LTBP1: variants seen among roughly 807,000 people sequenced by gnomAD.
LTBP1 encodes the protein latent-transforming growth factor beta-binding protein 1.
LTBP1 carries 129 observed loss-of-function variants against 207.6 expected under a neutral mutation model. The ratio of observed to expected loss-of-function variants is 0.62; its 90% CI spans 0.54 to 0.72. The LOEUF (loss-of-function observed/expected upper bound fraction) is 0.72. LTBP1 is among the 30% of genes least tolerant of loss of function. LTBP1 has a pLI of 0.00. For synonymous variants in LTBP1, 963 were observed against 833.7 expected, an observed-to-expected ratio of 1.16 and a Z score of -2.67; for missense variants, 2,281 against 2,217.2, an observed-to-expected ratio of 1.03 and a Z score of -0.58.
At chr2:33,358,974 A>G (rs1262818645) in intron 26 of LTBP1, among the ~76,000 whole-genome samples, 8 of 152,218 alleles carry the variant, frequency 5.3e-5, no homozygotes, top group South Asian at 2.1e-4. Context: ...GAAGCAAGCT[A>G]GACCAGATGA....
At chr2:33,330,869 G>A (rs116000419) in intron 24 of LTBP1, among the ~76,000 whole-genome samples, 1 of 149,302 alleles carries the variant, frequency 6.7e-6, no homozygotes, top group South Asian at 2.1e-4. Context: ...TTTGTGCCTG[G>A]AATGTTTGTT....
chr2:33,254,855 T>TTTG (rs2092796853), intron 11 of LTBP1, among the ~76,000 whole-genome samples: 1 of 92,330 alleles, frequency 1.1e-5, no homozygotes, highest in Non-Finnish European at 2.1e-5. Context: ...GTGTTTGGTT[T>TTTG]TTTTTTTTTT....
chr2:33,315,307 A>G (rs893996547), intron 24 of LTBP1, 38 bp downstream of exon 24: 2 of 1,608,142 alleles, frequency 1.2e-6, no homozygotes, highest in African/African-American at 1.3e-5. Context: ...GTTGTGTGAT[A>G]AAAGAGAGAG....
chr2:33,269,849 C>G (rs1310895280), intron 15 of LTBP1, among the ~76,000 whole-genome samples: 1 of 151,778 alleles, frequency 6.6e-6, no homozygotes. Flanking sequence ...TCTATGTGCT[C>G]AGGAATGAAA....
At chr2:33,169,583 A>G (rs1039376540) in intron 5 of LTBP1, among the ~76,000 whole-genome samples, 4 of 152,242 alleles carry the variant, frequency 2.6e-5, no homozygotes, top group South Asian at 2.1e-4. Context: ...GAGGGGTAAT[A>G]GCTTTTTAAG....
In LTBP1 at chr2:32,947,433, G is replaced by A. The variant is rs1272062239; in HGVS notation, c.109G>A (p.Gly37Ser). ...CACCTACGTGGTGCACCCGGGCCCC[G>A]GCCTGGCAGCCGGCGCCTTGCCCCT... ...RITYVVHPGPGLAAGALPLSG... is the reference protein window; with the variant it reads ...RITYVVHPGPSLAAGALPLSG... Residue 37 changes from glycine to serine, a missense_variant, in exon 1 of 34, where the codon GGC (glycine) becomes AGC (serine). By Grantham distance (56) the Gly-to-Ser change is moderately conservative. Coordinates refer to ENST00000404816, the MANE Select transcript of LTBP1 (RefSeq NM_206943.4). The A allele has an allele frequency of 6.2e-6, 9 of 1,441,234 alleles. 1 individual carries two copies. In the East Asian group the frequency reaches 2.8e-4, roughly 44 times the overall value. 89.3% of individuals were successfully genotyped at this position (1,441,234 alleles called of 1,614,324 possible).
At chr2:33,255,180 T>G (rs886715582) in intron 11 of LTBP1, among the ~76,000 whole-genome samples, 2 of 147,766 alleles carry the variant, frequency 1.4e-5, no homozygotes, top group African/African-American at 2.5e-5. Flanking sequence ...ATGTGGTGTT[T>G]GGTTTTTTGT....
chr2:33,185,397 A>G lies in LTBP1; in HGVS notation c.1202-1459A>G, dbSNP rs144051667. Among the ~76,000 whole-genome samples, 80 of 152,326 alleles carry G rather than the reference A, an allele frequency of 5.3e-4. 1 individual carries two copies. The East Asian group carries it at 0.014, about 28-fold the overall frequency. On this transcript the variant is annotated intron_variant, in intron 5 of 33. Coordinates refer to ENST00000404816, the MANE Select transcript of LTBP1 (RefSeq NM_206943.4). ...GTTCAATTTTGAATTTGAGGTGCCT[A>G]TGAAATATGTATATGGTGACACATA...
At chr2:33,131,227 C>T (rs999779056) in intron 4 of LTBP1, among the ~76,000 whole-genome samples, 2 of 152,120 alleles carry the variant, frequency 1.3e-5, no homozygotes, top group African/African-American at 4.8e-5. Context: ...TGAATATTAC[C>T]TTATTCAAGA....
chr2:33,284,475 A>C (rs2093624503), intron 19 of LTBP1, among the ~76,000 whole-genome samples: 1 of 152,164 alleles, frequency 6.6e-6, no homozygotes, highest in Admixed American at 6.5e-5. Flanking sequence ...GTCATTCGGC[A>C]CTGTATTCCT....
chr2:33,082,447 T>A (rs937549070), intron 3 of LTBP1, among the ~76,000 whole-genome samples: 48 of 133,616 alleles, frequency 3.6e-4, no homozygotes, highest in Middle Eastern at 3.6e-3. Context: ...TTTTTTTTTT[T>A]TTTTTTTTTT....
intron 23 of LTBP1, among the ~76,000 whole-genome samples, chr2:33,311,393 A>G (rs1420326491): frequency 2.0e-5 from 3 of 152,188 alleles, no homozygotes; most frequent in Non-Finnish European, 4.4e-5. Flanking sequence ...AATTTTTTCC[A>G]ATGCAGAAAT....
chr2:33,328,162 T>TAAATAAATAAATA (rs61232623), intron 24 of LTBP1, among the ~76,000 whole-genome samples: 55 of 145,942 alleles, frequency 3.8e-4, no homozygotes, highest in African/African-American at 1.4e-3. Flanking sequence ...AATAAATAAA[T>TAAATAAATAAATA]AAATAAAATA....
rs547023793 is a variant in LTBP1, at chr2:33,326,805, C to T, written c.3730+11536C>T. 1.1e-4 allele frequency among the ~76,000 whole-genome samples: 16 copies of T among 152,060 alleles called. No individual in the cohort carries two copies. The South Asian group carries it at 2.9e-3, about 28-fold the overall frequency. On this transcript the variant is annotated intron_variant, in intron 24 of 33. Transcript: ENST00000404816. ...TCCCCAGTAGCTGGGATTACAGGCACGTGCCACCACACCTGGCTAACTTTT... is the reference window on the plus strand; with the variant it reads ...TCCCCAGTAGCTGGGATTACAGGCATGTGCCACCACACCTGGCTAACTTTT...
chr2:33,016,319 G>A (rs1366324136), intron 2 of LTBP1, among the ~76,000 whole-genome samples: 1 of 152,158 alleles, frequency 6.6e-6, no homozygotes, highest in African/African-American at 2.4e-5. Context: ...CAGCTAAAAT[G>A]TGTGGAAAGT....
intron 2 of LTBP1, among the ~76,000 whole-genome samples, chr2:32,964,401 T>C (rs1420650604): frequency 6.6e-6 from 1 of 152,222 alleles, no homozygotes; most frequent in Non-Finnish European, 1.5e-5. Context: ...CAAAGACATG[T>C]CACTTGAATG....
intron 2 of LTBP1, among the ~76,000 whole-genome samples, chr2:33,008,591 T>C (rs529682547): frequency 6.6e-6 from 1 of 152,348 alleles, no homozygotes; most frequent in East Asian, 1.9e-4. Flanking sequence ...CCCTCATTCA[T>C]GCATTTACTC....
chr2:33,011,736 T>G (rs948464712), intron 2 of LTBP1, among the ~76,000 whole-genome samples: 1 of 152,014 alleles, frequency 6.6e-6, no homozygotes, highest in Non-Finnish European at 1.5e-5. Flanking sequence ...TACAGGATGA[T>G]GTCTCTGGTG....
intron 2 of LTBP1, among the ~76,000 whole-genome samples, chr2:32,955,357 A>G (rs1677905472): frequency 6.6e-6 from 1 of 152,224 alleles, no homozygotes. Flanking sequence ...GAATGTTTGA[A>G]GTATATATGT....
Sources: allele counts gnomAD v4.1 joint callset (sites outside exome capture counted in the v4.1 genomes callset), GRCh38; gene constraint gnomAD v4.1.1; transcripts MANE v1.5; gene names NCBI Gene and HGNC (gene_info 2026-07-23, HGNC 2026-07-21).